PRKG1: variants seen among roughly 807,000 people sequenced by gnomAD.
PRKG1 encodes the protein cGMP-dependent protein kinase 1.
Under a neutral mutation model 88.1 loss-of-function variants are expected in PRKG1, and 35 were observed. The observed-to-expected ratio is 0.40, with a 90% CI of 0.30 to 0.53. The LOEUF is 0.53. Among genes scored for constraint, PRKG1 ranks in the 20% least tolerant of loss-of-function variants. PRKG1 has a pLI of 0.59. For synonymous variants in PRKG1, 303 were observed against 292.5 expected, an observed-to-expected ratio of 1.04 and a Z score of -0.37; for missense variants, 540 against 839.8, an observed-to-expected ratio of 0.64 and a Z score of 4.41.
chr10:51,833,948 T>C lies in PRKG1; in HGVS notation c.698+29258T>C, dbSNP rs1267565430. ...TAGATTTTACATATAAGTGAGATCA[T>C]ATGGTCTTTGTCTTTCCATGCCTAG... On this transcript the variant is annotated intron_variant, in intron 4 of 17. Coordinates refer to ENST00000373980, the MANE Select transcript of PRKG1 (RefSeq NM_006258.4). Among the ~76,000 whole-genome samples, 4 of 152,178 alleles carry C rather than the reference T, an allele frequency of 2.6e-5. No homozygotes were observed. In the East Asian group the frequency reaches 5.8e-4, roughly 22 times the overall value.
intron 5 of PRKG1, among the ~76,000 whole-genome samples, chr10:51,996,229 C>T (rs897897918): frequency 2.1e-5 from 3 of 140,556 alleles, no homozygotes; most frequent in South Asian, 2.4e-4. Flanking sequence ...ACAGGAGAAT[C>T]GCTTGAACCC....
chr10:51,865,261 C>T (rs952283045), intron 4 of PRKG1, among the ~76,000 whole-genome samples: 18 of 152,056 alleles, frequency 1.2e-4, no homozygotes, highest in African/African-American at 4.3e-4. Flanking sequence ...TACATAAATG[C>T]TTAATTATGA....
At chr10:51,707,474 C>T (rs1841638629) in intron 3 of PRKG1, among the ~76,000 whole-genome samples, 1 of 152,196 alleles carries the variant, frequency 6.6e-6, no homozygotes, top group African/African-American at 2.4e-5. Context: ...CTTATTCGTG[C>T]TTCAGGCTGT....
intron 5 of PRKG1, among the ~76,000 whole-genome samples, chr10:51,919,274 T>C (rs1842411159): frequency 1.3e-5 from 2 of 152,242 alleles, no homozygotes; most frequent in South Asian, 4.1e-4. Context: ...ATTCCTCAAA[T>C]CAGTCAATGT....
At chr10:51,856,989 G>GAAAGAAAGTAA (rs1564677674) in intron 4 of PRKG1, among the ~76,000 whole-genome samples, 5 of 138,756 alleles carry the variant, frequency 3.6e-5, no homozygotes, top group Non-Finnish European at 3.2e-5. Flanking sequence ...AAAAAAAAAA[G>GAAAGAAAGTAA]AAAGAAAGTA....
intron 2 of PRKG1, among the ~76,000 whole-genome samples, chr10:51,391,417 T>C (rs1837399484): frequency 6.6e-6 from 1 of 152,146 alleles, no homozygotes; most frequent in Non-Finnish European, 1.5e-5. Context: ...TTTCTTTAGG[T>C]TTCTCTCTAT....
intron 12 of PRKG1, among the ~76,000 whole-genome samples, chr10:52,276,882 A>G (rs1372904744): frequency 6.6e-6 from 1 of 152,202 alleles, no homozygotes; most frequent in Non-Finnish European, 1.5e-5. Flanking sequence ...TCTACATCAC[A>G]TGTTTAGTGA....
chr10:51,113,068 C>T (rs74131748), intron 1 of PRKG1, among the ~76,000 whole-genome samples: 5,417 of 152,216 alleles, frequency 0.036, 248 homozygotes, highest in African/African-American at 0.11. Context: ...GATTTTACAC[C>T]TCTGTGCCAA....
Position 51,436,783 on chromosome 10 carries a change from C to A in PRKG1, c.479-30940C>A, listed in dbSNP as rs546556066. ...CAATGGTTGTAAACTTCTTTGCCTG[C>A]ACATAGTGGCCACTCAACTTACTTC... On this transcript the variant is annotated intron_variant, in intron 2 of 17. Coordinates refer to ENST00000373980, the MANE Select transcript of PRKG1 (RefSeq NM_006258.4). Among the ~76,000 whole-genome samples the A allele has an allele frequency of 4.6e-5, 7 of 152,168 alleles. No homozygotes were observed. In the South Asian group the frequency reaches 1.4e-3, roughly 32 times the overall value.
chr10:51,355,166 A>G (rs1842337508), intron 2 of PRKG1, among the ~76,000 whole-genome samples: 1 of 152,118 alleles, frequency 6.6e-6, no homozygotes, highest in African/African-American at 2.4e-5. Context: ...TTGGTGCATA[A>G]TAAGTCCTCA....
At chr10:51,303,020 A>C (rs567124320) in intron 2 of PRKG1, among the ~76,000 whole-genome samples, 2 of 152,288 alleles carry the variant, frequency 1.3e-5, no homozygotes, top group South Asian at 4.1e-4. Flanking sequence ...AAAGAAGGGA[A>C]TAAAGTAAGC....
At chr10:51,237,777 C>T (rs1179630845) in intron 2 of PRKG1, among the ~76,000 whole-genome samples, 1 of 152,042 alleles carries the variant, frequency 6.6e-6, no homozygotes, top group Non-Finnish European at 1.5e-5. Context: ...TAAATATTCT[C>T]ATGTATTTCT....
chr10:51,940,872 T>C (rs1243284939), intron 5 of PRKG1, among the ~76,000 whole-genome samples: 1 of 151,998 alleles, frequency 6.6e-6, no homozygotes, highest in African/African-American at 2.4e-5. Context: ...TCACAGTAGA[T>C]ATTGTAATGA....
At chr10:51,630,897 A>G (rs370245981) in intron 3 of PRKG1, among the ~76,000 whole-genome samples, 29 of 152,294 alleles carry the variant, frequency 1.9e-4, no homozygotes, top group East Asian at 9.6e-4. Context: ...CAGTGCAGAC[A>G]CATTTGATGA....
chr10:51,238,875 A>C (rs971663940), intron 2 of PRKG1, among the ~76,000 whole-genome samples: 4 of 151,946 alleles, frequency 2.6e-5, no homozygotes, highest in Admixed American at 2.6e-4. Flanking sequence ...AAATATTTAC[A>C]TTTGTAATTA....
intron 1 of PRKG1, among the ~76,000 whole-genome samples, chr10:51,069,215 T>C (rs1273195482): frequency 6.6e-6 from 1 of 152,062 alleles, no homozygotes; most frequent in Non-Finnish European, 1.5e-5. Context: ...TCCAAGTCTC[T>C]GCAGTAAGTT....
chr10:51,971,022 G>C (rs1843702564), intron 5 of PRKG1, among the ~76,000 whole-genome samples: 1 of 151,588 alleles, frequency 6.6e-6, no homozygotes, highest in Admixed American at 6.6e-5. Context: ...CAATGGAAAG[G>C]AATAAGCTAA....
intron 3 of PRKG1, among the ~76,000 whole-genome samples, chr10:51,732,452 G>T (rs939140650): frequency 2.6e-5 from 4 of 152,062 alleles, no homozygotes; most frequent in Non-Finnish European, 5.9e-5. Context: ...TACATCTAAC[G>T]ATTAATAAAG....
intron 2 of PRKG1, among the ~76,000 whole-genome samples, chr10:51,207,859 A>G (rs985056678): frequency 4.6e-5 from 7 of 152,126 alleles, no homozygotes; most frequent in African/African-American, 1.4e-4. Context: ...GTCAGAAGTA[A>G]TTTCTCTCTT....
Sources: allele counts gnomAD v4.1 joint callset (sites outside exome capture counted in the v4.1 genomes callset), GRCh38; gene constraint gnomAD v4.1.1; transcripts MANE v1.5; gene names NCBI Gene and HGNC (gene_info 2026-07-23, HGNC 2026-07-21).